The following KLHL14 variants were observed in gnomAD, a reference collection of about 807,000 sequenced individuals.
The protein encoded by KLHL14 is kelch-like protein 14.
KLHL14 carries 22 observed loss-of-function variants against 64.3 expected under a neutral mutation model. The observed-to-expected ratio is 0.34, with a 90% CI of 0.24 to 0.49. KLHL14 has a LOEUF of 0.49. Ranked by LOEUF, KLHL14 falls within the 20% of genes least tolerant of loss-of-function variation. The pLI, the probability that KLHL14 is intolerant of heterozygous loss-of-function variation, is 0.99. For synonymous variants in KLHL14, 322 were observed against 333.4 expected (o/e 0.97, Z 0.37); for missense variants, 661 against 789.0 (o/e 0.84, Z 1.94).
chr18:32,767,897 G>A (rs2050355019), intron 2 of KLHL14, among the ~76,000 whole-genome samples: 1 of 152,174 alleles, frequency 6.6e-6, no homozygotes, highest in African/African-American at 2.4e-5. Context: ...TTAAAAGTAT[G>A]AGTAAATGTA....
chr18:32,691,536 C>A (rs1046947249), intron 4 of KLHL14, among the ~76,000 whole-genome samples: 1 of 151,942 alleles, frequency 6.6e-6, no homozygotes, highest in Non-Finnish European at 1.5e-5. Context: ...AGATCCTGTT[C>A]CCAGACCCCC....
chr18:32,738,534 C>A (rs2050178202), intron 3 of KLHL14: 1 of 152,150 alleles, frequency 6.6e-6, no homozygotes, highest in Admixed American at 6.5e-5. Context: ...TTCACATTTA[C>A]AAAAAGACGT....
chr18:32,702,348 T>G (rs185734447), intron 3 of KLHL14, among the ~76,000 whole-genome samples: 325 of 139,852 alleles, frequency 2.3e-3, no homozygotes, highest in African/African-American at 7.6e-3. Context: ...TTTGTTTTTT[T>G]TTTTTTTAAA....
At chr18:32,733,969 G>T in intron 3 of KLHL14, 3 of 575,172 alleles carry the variant, frequency 5.2e-6, no homozygotes, top group Admixed American at 3.0e-5. Context: ...TATTCATTCC[G>T]GGTCAAGAGG....
At chr18:32,752,269 T>A (rs2050257752) in intron 2 of KLHL14, among the ~76,000 whole-genome samples, 1 of 152,194 alleles carries the variant, frequency 6.6e-6, no homozygotes, top group Admixed American at 6.5e-5. Context: ...ATATTCTTTT[T>A]TTTCCCTTAC....
intron 3 of KLHL14, among the ~76,000 whole-genome samples, chr18:32,699,829 A>G (rs1430293897): frequency 6.6e-6 from 1 of 152,168 alleles, no homozygotes; most frequent in African/African-American, 2.4e-5. Context: ...GGATATTTGA[A>G]TAGCTGGTTT....
At chr18:32,724,756 A>G (rs2050098862) in intron 3 of KLHL14, among the ~76,000 whole-genome samples, 1 of 152,238 alleles carries the variant, frequency 6.6e-6, no homozygotes, top group South Asian at 2.1e-4. Context: ...GTGGTTAAGC[A>G]TCCAGATTTC....
chr18:32,744,932 C>T (rs1230466408), intron 2 of KLHL14: 1 of 152,140 alleles, frequency 6.6e-6, no homozygotes, highest in Non-Finnish European at 1.5e-5. Flanking sequence ...CCACCCCTGC[C>T]AACAGTGACA....
At position 32,683,509 on chromosome 18, in the gene KLHL14, C is replaced by T. The variant is rs180880356; in HGVS notation, c.1239-2910G>A. 6.6e-6 allele frequency among the ~76,000 whole-genome samples: 1 copy of T among 152,228 alleles called. No individual in the cohort carries two copies. Among genetic ancestry groups the T allele is most frequent in the Admixed American group, 6.5e-5 (1 of 15,284 alleles). On this transcript the variant is annotated intron_variant, in intron 5 of 8. Coordinates refer to ENST00000359358, the MANE Select transcript of KLHL14 (RefSeq NM_020805.3). This position sits in a 1 kb window ranked among gnomAD's most constrained non-coding sequence, Gnocchi z 4.2. ...CAATGCTCCCTGCCCCTCTTCGCCA[C>T]ATGAAGAACATATAAGGTTCAGGCT...
rs1046402809 is a variant in KLHL14, at chr18:32,742,136, T to C, written c.948-87A>G. The stretch of plus-strand genomic sequence containing the variant: ...ACGAAATCATAACCATCAAAGAATG[T>C]TCCTTGCTTGCAGATATCTGTTTCA... On this transcript the variant is annotated intron_variant, in intron 2 of 8. Coordinates refer to ENST00000359358, the MANE Select transcript of KLHL14 (RefSeq NM_020805.3). The C allele has an allele frequency of 4.2e-6, 6 of 1,412,508 alleles. No individual in the cohort carries two copies. The African/African-American group carries it at 8.7e-5, about 21-fold the overall frequency. 87.5% of individuals were successfully genotyped at this position (1,412,508 alleles called of 1,614,324 possible). A position where few individuals can be genotyped will look rare whatever the true frequency, so the allele number is the denominator to read the frequency against.
chr18:32,724,042 A>G (rs1453310114), intron 3 of KLHL14, among the ~76,000 whole-genome samples: 1 of 152,216 alleles, frequency 6.6e-6, no homozygotes, highest in African/African-American at 2.4e-5. Flanking sequence ...TGGAAAAAAA[A>G]TATCATGTTA....
rs2050380293 is a variant in KLHL14 at position 32,770,859 on chromosome 18, C to T, written c.-43-225G>A. The stretch of plus-strand genomic sequence containing the variant: ...AGAAGGGCCCTGTCTGGGGTCCCGG[C>T]GCCGGTTCTGCGCCCTGCGGCTCCT... On this transcript the variant is annotated intron_variant, in intron 1 of 8. Coordinates refer to ENST00000359358, the MANE Select transcript of KLHL14 (RefSeq NM_020805.3). This position sits in a 1 kb window ranked among gnomAD's most constrained non-coding sequence, Gnocchi z 6.7. 1 of 468,850 alleles carries T rather than the reference C, an allele frequency of 2.1e-6. No individual in the cohort carries two copies. The highest frequency in any genetic ancestry group is 3.8e-5 in the Admixed American group (1 of 26,222). 29.0% of individuals were successfully genotyped at this position (468,850 alleles called of 1,614,324 possible).
At chr18:32,715,735 T>C (rs979553191) in intron 3 of KLHL14, among the ~76,000 whole-genome samples, 3 of 152,224 alleles carry the variant, frequency 2.0e-5, no homozygotes, top group African/African-American at 7.2e-5. Context: ...CTAATCTTTC[T>C]TGTCATCTTA....
At chr18:32,732,819 GA>G (rs2050143289) in intron 3 of KLHL14, among the ~76,000 whole-genome samples, 1 of 152,222 alleles carries the variant, frequency 6.6e-6, no homozygotes, top group Non-Finnish European at 1.5e-5. Flanking sequence ...GGCTGATAAG[GA>G]AACTGAGATA....
chr18:32,751,680 G>A (rs1325064047), intron 2 of KLHL14, among the ~76,000 whole-genome samples: 1 of 152,184 alleles, frequency 6.6e-6, no homozygotes, highest in Non-Finnish European at 1.5e-5. Flanking sequence ...GTTTTCCTAA[G>A]ATGGAAGTAA....
At chr18:32,693,413 C>CACACACACACAGAGAG (rs1229737083) in intron 4 of KLHL14, among the ~76,000 whole-genome samples, 4 of 97,036 alleles carry the variant, frequency 4.1e-5, no homozygotes, top group African/African-American at 1.9e-4. Flanking sequence ...CACACACACA[C>CACACACACACAGAGAG]AGAGAGAGAG....
At chr18:32,752,555 C>A (rs1412422556) in intron 2 of KLHL14, among the ~76,000 whole-genome samples, 1 of 152,184 alleles carries the variant, frequency 6.6e-6, no homozygotes, top group East Asian at 1.9e-4. Flanking sequence ...CTCTGCTTAT[C>A]TTTGTTCTTT....
At chr18:32,718,773 A>G (rs1424025899) in intron 3 of KLHL14, among the ~76,000 whole-genome samples, 2 of 152,240 alleles carry the variant, frequency 1.3e-5, no homozygotes, top group East Asian at 1.9e-4. Flanking sequence ...TCAACATTTT[A>G]TAGCTATTAT....
chr18:32,691,253 C>T (rs778800765), intron 4 of KLHL14, among the ~76,000 whole-genome samples: 4 of 152,178 alleles, frequency 2.6e-5, no homozygotes, highest in Non-Finnish European at 5.9e-5. Context: ...ATGTGCTGAG[C>T]ATTGGTGGTA....
Sources: allele counts gnomAD v4.1 joint callset (sites outside exome capture counted in the v4.1 genomes callset), GRCh38; gene constraint gnomAD v4.1.1; non-coding constraint Gnocchi (gnomAD v3.1); transcripts MANE v1.5; gene names NCBI Gene and HGNC (gene_info 2026-07-23, HGNC 2026-07-21).